The following SEC24A variants were observed in gnomAD, a reference collection of about 807,000 sequenced individuals.
The protein encoded by SEC24A is protein transport protein Sec24A.
Under a neutral mutation model 129.4 loss-of-function variants are expected in SEC24A, and 93 were observed. The ratio of observed to expected loss-of-function variants is 0.72; its 90% CI spans 0.61 to 0.85. SEC24A has a LOEUF of 0.85. Among genes scored for constraint, SEC24A ranks in the 40% least tolerant of loss-of-function variants. The probability of loss-of-function intolerance (pLI) is 0.00; values close to 1 mark genes in which losing one functional copy is unlikely to be tolerated. For missense variants in SEC24A, 1,264 were observed against 1,307.4 expected, an observed-to-expected ratio of 0.97 and a Z score of 0.51; for synonymous variants, 460 against 467.3, an observed-to-expected ratio of 0.98 and a Z score of 0.20.
At chr5:134,658,007 G>A (rs1183431991) in intron 1 of SEC24A, among the ~76,000 whole-genome samples, 2 of 152,242 alleles carry the variant, frequency 1.3e-5, no homozygotes, top group Admixed American at 6.5e-5. Flanking sequence ...GGTGGCTCAC[G>A]CCTGTAATCC....
intron 7 of SEC24A, among the ~76,000 whole-genome samples, chr5:134,678,999 T>C (rs1461560697): frequency 6.6e-6 from 1 of 151,090 alleles, no homozygotes; most frequent in Admixed American, 6.6e-5. Flanking sequence ...ATTTTAGACA[T>C]AGGTGTTAGC....
At chr5:134,698,598 C>CA (rs536006364) in intron 15 of SEC24A, among the ~76,000 whole-genome samples, 1,708 of 69,568 alleles carry the variant, frequency 0.025, 16 homozygotes, top group Middle Eastern at 0.054. Context: ...ACACTGTCTC[C>CA]AAAAAAAAAA....
chr5:134,667,579 G>A (rs181422289), intron 3 of SEC24A, among the ~76,000 whole-genome samples: 165 of 150,730 alleles, frequency 1.1e-3, no homozygotes, highest in African/African-American at 3.8e-3. Flanking sequence ...GCGTGAACCC[G>A]GGAGGCGGAG....
chr5:134,687,957 G>A (rs546032727), intron 10 of SEC24A, among the ~76,000 whole-genome samples: 2 of 152,172 alleles, frequency 1.3e-5, no homozygotes, highest in East Asian at 3.9e-4. Flanking sequence ...TTGGATTGTT[G>A]TATTATTGCT....
At chr5:134,662,161 A>T (rs950191862) in intron 2 of SEC24A, among the ~76,000 whole-genome samples, 1 of 148,678 alleles carries the variant, frequency 6.7e-6, no homozygotes, top group African/African-American at 2.5e-5. Context: ...TTTATTATTT[A>T]TTTATTTTTT....
chr5:134,690,137 G>T (rs1188301734), intron 11 of SEC24A, among the ~76,000 whole-genome samples: 1 of 152,160 alleles, frequency 6.6e-6, no homozygotes, highest in Non-Finnish European at 1.5e-5. Flanking sequence ...TCCTACCTCA[G>T]CCTCCTGAGT....
intron 16 of SEC24A, among the ~76,000 whole-genome samples, chr5:134,705,070 T>TTTTATATATATATATATA (rs1554141294): frequency 2.2e-5 from 3 of 133,346 alleles, no homozygotes; most frequent in Non-Finnish European, 1.6e-5. Flanking sequence ...ATATTTATAT[T>TTTTATATATATATATATA]TATATATATA....
chr5:134,673,533 G>A lies in SEC24A; in HGVS notation c.818-1082G>A, dbSNP rs115657107. On this transcript the variant is annotated intron_variant, in intron 4 of 22. Coordinates refer to ENST00000398844, the MANE Select transcript of SEC24A (RefSeq NM_021982.3). ...GCTGGAGTGCAGTGGGCACAATCTC[G>A]GCTCACCTCCACCTCCTGGATTCAA... Among the ~76,000 whole-genome samples, 507 of 151,790 alleles carry A rather than the reference G, an allele frequency of 3.3e-3. 4 individuals are homozygous for A. Among genetic ancestry groups the A allele is most frequent in the African/African-American group, 0.012 (485 of 41,386 alleles).
Position 134,705,403 on chromosome 5 carries a change from T to G in SEC24A, c.2517T>G (p.Asp839Glu). 8 of 1,613,200 alleles carry G rather than the reference T, an allele frequency of 5.0e-6. No individual in the cohort carries two copies. The highest frequency in any genetic ancestry group is 6.8e-6 in the Non-Finnish European group (8 of 1,179,468). Residue 839 changes from aspartate (D) to glutamate (E), a missense_variant, in exon 17 of 23, where the codon GAT (aspartate) becomes GAG (glutamate). Asp to Glu is a conservative substitution (Grantham distance 45). Transcript: ENST00000398844. ...TGAATGATGTCTTTCTTGGAGCTGA[T>G]GTTCAAGCAATTTCAGGGTTATTGG... ...STLNDVFLGADVQAISGLLAN... is the reference protein window; with the variant it reads ...STLNDVFLGAEVQAISGLLAN...
chr5:134,661,020 T>A, intron 1 of SEC24A, 99 bp from the exon 2 acceptor site: 17 of 840,490 alleles, frequency 2.0e-5, no homozygotes, highest in Non-Finnish European at 3.2e-5. Flanking sequence ...TTGAGTTATG[T>A]GTTTTTATTG....
intron 11 of SEC24A, among the ~76,000 whole-genome samples, chr5:134,692,057 CTTTT>C (rs61531967): frequency 7.8e-6 from 1 of 127,938 alleles, no homozygotes; most frequent in African/African-American, 2.9e-5. Context: ...TTTTTCTTTC[CTTTT>C]TTTTTTTTTT....
chr5:134,681,380 A>G (rs1751264434), intron 8 of SEC24A, among the ~76,000 whole-genome samples: 2 of 152,096 alleles, frequency 1.3e-5, no homozygotes, highest in South Asian at 4.1e-4. Flanking sequence ...AGCCTTGGCA[A>G]CAAGAGCAAA....
chr5:134,691,521 A>G (rs1311533054), intron 11 of SEC24A, among the ~76,000 whole-genome samples: 1 of 120,606 alleles, frequency 8.3e-6, no homozygotes, highest in African/African-American at 3.2e-5. Context: ...TTTTTTTGAG[A>G]CGAGTCTTGA....
rs549329362 is a variant in SEC24A, at chr5:134,657,073, C to A, written c.98-4046C>A. Among the ~76,000 whole-genome samples the A allele has an allele frequency of 2.0e-5, 3 of 151,792 alleles. No individual in the cohort carries two copies. The South Asian group carries it at 6.2e-4, about 32-fold the overall frequency. ...TAATGGTGCACGCCTGTAGGCCCAGCTACTCAAGAGGGGAGGTGGGAGGAT... is the reference window on the plus strand; with the variant it reads ...TAATGGTGCACGCCTGTAGGCCCAGATACTCAAGAGGGGAGGTGGGAGGAT... On this transcript the variant is annotated intron_variant, in intron 1 of 22. Coordinates refer to ENST00000398844, the MANE Select transcript of SEC24A (RefSeq NM_021982.3).
intron 2 of SEC24A, among the ~76,000 whole-genome samples, chr5:134,664,408 ACT>A (rs1750581876): frequency 6.6e-6 from 1 of 152,054 alleles, no homozygotes; most frequent in Non-Finnish European, 1.5e-5. Context: ...GAGAGGGCAG[ACT>A]CTGAAACTCT....
In SEC24A at chr5:134,725,981, A is replaced by G. The variant is rs563224144; in HGVS notation, c.*887A>G. 6.6e-6 allele frequency: 1 copy of G among 152,388 alleles called. No homozygotes were observed. Among genetic ancestry groups the G allele is most frequent in the African/African-American group, 2.4e-5 (1 of 41,568 alleles). 9.4% of individuals were successfully genotyped at this position (152,388 alleles called of 1,614,324 possible). ...TTTTGGTGAAATGAGTGAAGAAATGAAAGGTTTCTAAAGTGCTATCCAAAT... is the reference window on the plus strand; with the variant it reads ...TTTTGGTGAAATGAGTGAAGAAATGGAAGGTTTCTAAAGTGCTATCCAAAT... On this transcript the variant is annotated 3_prime_UTR_variant, in exon 23 of 23. Transcript: ENST00000398844.
At chr5:134,713,379 A>G (rs1482275426) in intron 18 of SEC24A, among the ~76,000 whole-genome samples, 1 of 151,962 alleles carries the variant, frequency 6.6e-6, no homozygotes, top group Non-Finnish European at 1.5e-5. Context: ...CACCATCCTG[A>G]CACCCCTAAT....
rs959069644 is a variant in SEC24A, at chr5:134,725,359, T to C, written c.*265T>C. On this transcript the variant is annotated 3_prime_UTR_variant, in exon 23 of 23. Transcript: ENST00000398844. ...CTTGCCAATTATGTTTGAGTTGTTA[T>C]GGATTAAAATAAGAATATTGCAGAG... 1.1e-5 allele frequency: 3 copies of C among 262,460 alleles called. No individual in the cohort carries two copies. Among genetic ancestry groups the C allele is most frequent in the Non-Finnish European group, 2.1e-5 (3 of 140,520 alleles). 16.3% of individuals were successfully genotyped at this position (262,460 alleles called of 1,614,324 possible).
At chr5:134,700,346 A>T (rs1016862623) in intron 15 of SEC24A, among the ~76,000 whole-genome samples, 1 of 151,862 alleles carries the variant, frequency 6.6e-6, no homozygotes, top group Admixed American at 6.6e-5. Context: ...CAGCCTCCCG[A>T]ATAACTGGGA....
Sources: allele counts gnomAD v4.1 joint callset (sites outside exome capture counted in the v4.1 genomes callset), GRCh38; gene constraint gnomAD v4.1.1; transcripts MANE v1.5; gene names NCBI Gene and HGNC (gene_info 2026-07-23, HGNC 2026-07-21).